TRA2B: variants seen among roughly 807,000 people sequenced by gnomAD.
The protein encoded by TRA2B is transformer-2 protein homolog beta.
Under a neutral mutation model 41.7 loss-of-function variants are expected in TRA2B, and 14 were observed. That is an observed-to-expected ratio of 0.34 (90% CI 0.22 to 0.53). The LOEUF is 0.53. TRA2B is among the 20% of genes least tolerant of loss of function. The pLI, the probability that TRA2B is intolerant of heterozygous loss-of-function variation, is 0.95. For missense variants in TRA2B, 167 were observed against 396.8 expected (o/e 0.42, Z 4.92); for synonymous variants, 130 against 128.8 (o/e 1.01, Z -0.06).
chr3:185,920,610 A>G (rs1046212553), intron 6 of TRA2B, among the ~76,000 whole-genome samples: 6 of 151,886 alleles, frequency 4.0e-5, no homozygotes, highest in Admixed American at 2.0e-4. Context: ...AGTGGAGTGC[A>G]GTGGTGCAAT....
chr3:185,925,615 C>A lies in TRA2B; in HGVS notation c.182G>T (p.Arg61Ile). 6.2e-7 allele frequency: 1 copy of A among 1,613,592 alleles called. No individual in the cohort carries two copies. The highest frequency in any genetic ancestry group is 8.5e-7 in the Non-Finnish European group (1 of 1,179,812). Residue 61 changes from arginine (R) to isoleucine (I), a missense_variant, in exon 3 of 9, where the codon AGA (arginine) becomes ATA (isoleucine). Coordinates refer to ENST00000453386, the MANE Select transcript of TRA2B (RefSeq NM_004593.3). ...RSRSESRSRS[R>I]RSSRRHYTRS... Reference sequence around the variant, plus strand: ...GGTATAATGCCTTCGGGAGCTTCTTCTGGATCTAGACCTGCAAGACAAAGA... The same window carrying A: ...GGTATAATGCCTTCGGGAGCTTCTTATGGATCTAGACCTGCAAGACAAAGA...
At chr3:185,919,780 AAT>A (rs924940590) in intron 6 of TRA2B, among the ~76,000 whole-genome samples, 2 of 151,802 alleles carry the variant, frequency 1.3e-5, no homozygotes, top group Admixed American at 6.6e-5. Context: ...AGTACCATTC[AAT>A]AGAGTGATGC....
chr3:185,937,337 G>T, intron 1 of TRA2B: 1 of 990,072 alleles, frequency 1.0e-6, no homozygotes, highest in Non-Finnish European at 1.2e-6. Context: ...CCAAAAGAAC[G>T]TCGTCTGTCC....
intron 3 of TRA2B, 74 bp downstream of exon 3, chr3:185,925,390 T>C: frequency 6.5e-7 from 1 of 1,548,470 alleles, no homozygotes; most frequent in East Asian, 2.3e-5. Context: ...AGCTCTATTG[T>C]CAAAATCAGC....
chr3:185,935,822 AAACAC>A, intron 1 of TRA2B: 2 of 985,440 alleles, frequency 2.0e-6, no homozygotes, highest in Non-Finnish European at 2.4e-6. Context: ...CGCAAACACC[AAACAC>A]AACAATATGG....
At chr3:185,929,863 T>C (rs1744084473) in intron 1 of TRA2B, among the ~76,000 whole-genome samples, 2 of 152,164 alleles carry the variant, frequency 1.3e-5, no homozygotes, top group Non-Finnish European at 2.9e-5. Flanking sequence ...TACTCATTTT[T>C]TTCCCTTGGC....
Position 185,938,008 on chromosome 3 carries a change from G to A in TRA2B, c.-148C>T, listed in dbSNP as rs776907006. On this transcript the variant is annotated 5_prime_UTR_variant, in exon 1 of 9. Coordinates refer to ENST00000453386, the MANE Select transcript of TRA2B (RefSeq NM_004593.3). ...GAAATGCTCCGCACCGCCTCCGCAC[G>A]GGCTCTAACTCTACCGGATGTGACG... The A allele has an allele frequency of 4.7e-6, 4 of 849,802 alleles. No individual in the cohort carries two copies. The highest frequency in any genetic ancestry group is 2.7e-5 in the East Asian group (1 of 36,480). 52.6% of individuals were successfully genotyped at this position (849,802 alleles called of 1,614,324 possible).
In TRA2B at chr3:185,925,546, C is replaced by G; in HGVS notation, c.251G>C (p.Arg84Thr). 1.2e-6 allele frequency: 2 copies of G among 1,614,162 alleles called. No homozygotes were observed. Among genetic ancestry groups the G allele is most frequent in the Non-Finnish European group, 1.7e-6 (2 of 1,180,026 alleles). ...TCTACGATAATCTCGACTGTAAGACCTGCTACGTGATCGTCTATGGGAGCG... is the reference window on the plus strand; with the variant it reads ...TCTACGATAATCTCGACTGTAAGACGTGCTACGTGATCGTCTATGGGAGCG... The part of the protein sequence containing the change: ...RSRSHRRSRS[R>T]SYSRDYRRRH... Residue 84 changes from arginine to threonine, a missense_variant, in exon 3 of 9, where the codon AGG becomes ACG. Arg to Thr is a moderately conservative substitution (Grantham distance 71). Coordinates refer to ENST00000453386, the MANE Select transcript of TRA2B (RefSeq NM_004593.3).
intron 2 of TRA2B, 149 bp downstream of exon 2, chr3:185,926,452 T>A: frequency 1.9e-6 from 2 of 1,054,720 alleles, no homozygotes; most frequent in Non-Finnish European, 2.6e-6. Flanking sequence ...CCGCTTTTAG[T>A]CTTGCCTCCC....
At chr3:185,936,929 A>C (rs1457328962) in intron 1 of TRA2B, 1 of 985,272 alleles carries the variant, frequency 1.0e-6, no homozygotes, top group African/African-American at 1.7e-5. Flanking sequence ...TGGAAACTTA[A>C]GGGAAAGAAA....
chr3:185,919,194 C>CTA, intron 7 of TRA2B, among the ~76,000 whole-genome samples: 1 of 151,510 alleles, frequency 6.6e-6, no homozygotes, highest in African/African-American at 2.4e-5. Flanking sequence ...TTATCAGTGA[C>CTA]TAACATCACT....
chr3:185,927,280 G>GTT (rs2150115896), intron 1 of TRA2B: 1 of 152,378 alleles, frequency 6.6e-6, no homozygotes, highest in African/African-American at 2.4e-5. Flanking sequence ...CAGAAACCTA[G>GTT]TGGAAAGCAA....
chr3:185,918,387 G>A lies in TRA2B; in HGVS notation c.834C>T (p.Ser278=). The A allele has an allele frequency of 6.2e-7, 1 of 1,613,678 alleles. No individual in the cohort carries two copies. The highest frequency in any genetic ancestry group is 8.5e-7 in the Non-Finnish European group (1 of 1,179,724). Reference sequence around the variant, plus strand: ...TACGAGGTGAGTATGATCGAGATCTGGAACGTGATCTGTATCCTCCACGAC... The same window carrying A: ...TACGAGGTGAGTATGATCGAGATCTAGAACGTGATCTGTATCCTCCACGAC... The part of the protein sequence containing the change: ...YYSRGGYRSR[S]RSRSYSPRRY Residue 278 remains serine, a synonymous_variant, in exon 8 of 9, where the codon TCC becomes TCT. Coordinates refer to ENST00000453386, the MANE Select transcript of TRA2B (RefSeq NM_004593.3).
chr3:185,931,172 A>C (rs562551563), intron 1 of TRA2B, among the ~76,000 whole-genome samples: 14 of 152,226 alleles, frequency 9.2e-5, no homozygotes, highest in African/African-American at 1.4e-4. Flanking sequence ...AAAATGGTTT[A>C]ACAGAAAATA....
chr3:185,925,315 C>G lies in TRA2B; in HGVS notation c.333+149G>C. On this transcript the variant is annotated intron_variant, in intron 3 of 8. Coordinates refer to ENST00000453386, the MANE Select transcript of TRA2B (RefSeq NM_004593.3). ...TGCAGACCCCGTCATGGAAGATTAACTTAAAAGACTCTCTCAAAACACTAA... is the reference window on the plus strand; with the variant it reads ...TGCAGACCCCGTCATGGAAGATTAAGTTAAAAGACTCTCTCAAAACACTAA... The G allele has an allele frequency of 4.5e-6, 4 of 883,466 alleles. No individual in the cohort carries two copies. In the South Asian group the frequency reaches 5.7e-5, roughly 13 times the overall value. The allele number at this position is 883,466 out of a possible 1,614,324, so 54.7% of individuals were successfully genotyped here. A position where few individuals can be genotyped will look rare whatever the true frequency, so the allele number is the denominator to read the frequency against.
At chr3:185,932,531 G>T (rs1226587730) in intron 1 of TRA2B, among the ~76,000 whole-genome samples, 1 of 152,248 alleles carries the variant, frequency 6.6e-6, no homozygotes, top group South Asian at 2.1e-4. Context: ...AAGGAAAGCA[G>T]AACAAACTTG....
chr3:185,921,189 T>C lies in TRA2B; in HGVS notation c.639-2A>G. 1 of 1,613,980 alleles carries C rather than the reference T, an allele frequency of 6.2e-7. No homozygotes were observed. Among genetic ancestry groups the C allele is most frequent in the Non-Finnish European group, 8.5e-7 (1 of 1,179,950 alleles). On this transcript the variant is annotated splice_acceptor_variant, in intron 5 of 8. Coordinates refer to ENST00000453386, the MANE Select transcript of TRA2B (RefSeq NM_004593.3). LOFTEE classifies it high-confidence loss of function. ...TAATCCCGACGGCGAGAGCTGCCAC[T>C]ATGAAGAAAAAAATATTCAGGTGAC...
At chr3:185,918,246 TG>T in intron 8 of TRA2B, 118 bp downstream of exon 8, 1 of 684,474 alleles carries the variant, frequency 1.5e-6, no homozygotes, top group Non-Finnish European at 2.4e-6. Flanking sequence ...TCAGGATGTG[TG>T]GAGAATCATT....
chr3:185,928,157 T>C (rs545698627), intron 1 of TRA2B: 4 of 151,510 alleles, frequency 2.6e-5, no homozygotes, highest in South Asian at 4.3e-4. Context: ...TACAACATAA[T>C]GGAGAAAATT....
Sources: allele counts gnomAD v4.1 joint callset (sites outside exome capture counted in the v4.1 genomes callset), GRCh38; gene constraint gnomAD v4.1.1; transcripts MANE v1.5; gene names NCBI Gene and HGNC (gene_info 2026-07-23, HGNC 2026-07-21).